PLXDC2: variants seen among roughly 807,000 people sequenced by gnomAD.
PLXDC2 encodes the protein plexin domain-containing protein 2.
PLXDC2 carries 40 observed loss-of-function variants against 68.9 expected under a neutral mutation model. That is an observed-to-expected ratio of 0.58 (90% CI 0.45 to 0.76). The LOEUF (loss-of-function observed/expected upper bound fraction) is 0.76, where lower values mean the gene tolerates loss of function less well. Ranked by LOEUF, PLXDC2 falls within the 30% of genes least tolerant of loss-of-function variation. PLXDC2 has a pLI of 0.00. For synonymous variants in PLXDC2, 243 were observed against 234.2 expected (o/e 1.04, Z -0.34); for missense variants, 644 against 661.9 (o/e 0.97, Z 0.30).
At chr10:20,093,144 A>G (rs1003651751) in intron 4 of PLXDC2, among the ~76,000 whole-genome samples, 5 of 152,314 alleles carry the variant, frequency 3.3e-5, no homozygotes, top group African/African-American at 1.2e-4. Flanking sequence ...GTTTATAACT[A>G]TATTATTGAT....
intron 1 of PLXDC2, among the ~76,000 whole-genome samples, chr10:19,819,529 A>T (rs1407378056): frequency 6.6e-6 from 1 of 152,208 alleles, no homozygotes; most frequent in East Asian, 1.9e-4. Context: ...AACAATCAGG[A>T]TCTTTATTAC....
Position 20,156,186 on chromosome 10 carries a change from T to G in PLXDC2, c.784-8282T>G, listed in dbSNP as rs1286050705. On this transcript the variant is annotated intron_variant, in intron 6 of 13. Coordinates refer to ENST00000377252, the MANE Select transcript of PLXDC2 (RefSeq NM_032812.9). Reference sequence around the variant, plus strand: ...CCAGGTAAAATCCACACCAGAGTCTTGACTATCTTGAGTCCAATGGCACAA... The same window carrying G: ...CCAGGTAAAATCCACACCAGAGTCTGGACTATCTTGAGTCCAATGGCACAA... Among the ~76,000 whole-genome samples, 5 of 152,182 alleles carry G rather than the reference T, an allele frequency of 3.3e-5. No homozygotes were observed. In the East Asian group the frequency reaches 9.6e-4, roughly 29 times the overall value.
intron 4 of PLXDC2, among the ~76,000 whole-genome samples, chr10:20,139,018 C>T (rs1031098908): frequency 2.6e-5 from 4 of 152,072 alleles, no homozygotes; most frequent in African/African-American, 9.7e-5. Context: ...TTAGTAAATA[C>T]ATAGTTATGG....
chr10:20,180,812 G>A (rs989568266), intron 9 of PLXDC2, among the ~76,000 whole-genome samples: 2 of 152,028 alleles, frequency 1.3e-5, no homozygotes, highest in African/African-American at 4.8e-5. Flanking sequence ...GATCTCAAGT[G>A]CTTACTAAAA....
intron 10 of PLXDC2, 86 bp from the exon 11 acceptor site, chr10:20,217,340 G>A: frequency 1.6e-6 from 2 of 1,228,164 alleles, no homozygotes; most frequent in East Asian, 5.0e-5. Flanking sequence ...AGGCTTTTGT[G>A]CTTTACAGCC....
At chr10:20,156,767 G>A (rs1834222908) in intron 6 of PLXDC2, among the ~76,000 whole-genome samples, 1 of 152,090 alleles carries the variant, frequency 6.6e-6, no homozygotes, top group African/African-American at 2.4e-5. Flanking sequence ...GAGAGTTCAG[G>A]AGCTGTACAA....
Position 19,982,286 on chromosome 10 carries a change from G to C in PLXDC2, c.113-19489G>C, listed in dbSNP as rs577158084. On this transcript the variant is annotated intron_variant, in intron 1 of 13. Coordinates refer to ENST00000377252, the MANE Select transcript of PLXDC2 (RefSeq NM_032812.9). ...AATTTTAATCCTAGAGTCCCTGAAT[G>C]GTCCCGTGTGACTGATTGGTGGTAG... Among the ~76,000 whole-genome samples the C allele has an allele frequency of 2.0e-5, 3 of 152,274 alleles. No homozygotes were observed. The South Asian group carries it at 6.2e-4, about 32-fold the overall frequency.
At chr10:20,176,390 ATGTG>A (rs66825907) in intron 7 of PLXDC2, among the ~76,000 whole-genome samples, 15 of 149,434 alleles carry the variant, frequency 1.0e-4, no homozygotes, top group Middle Eastern at 3.4e-3. Context: ...TCGCACAGTT[ATGTG>A]TGTGTGTGTG....
intron 13 of PLXDC2, among the ~76,000 whole-genome samples, chr10:20,279,033 T>A (rs1564374713): frequency 6.6e-6 from 1 of 152,204 alleles, no homozygotes; most frequent in African/African-American, 2.4e-5. Flanking sequence ...TTAGGACTAG[T>A]GTCTATTGTA....
intron 4 of PLXDC2, among the ~76,000 whole-genome samples, chr10:20,126,985 G>T (rs1408319723): frequency 6.6e-6 from 1 of 150,378 alleles, no homozygotes; most frequent in East Asian, 1.9e-4. Flanking sequence ...CACTAGGTTG[G>T]ATGTATAAGG....
intron 1 of PLXDC2, among the ~76,000 whole-genome samples, chr10:19,963,474 T>A (rs759933810): frequency 1.4e-4 from 21 of 152,230 alleles, no homozygotes; most frequent in Non-Finnish European, 2.5e-4. Flanking sequence ...TATGTGTGCA[T>A]GTCACATATA....
intron 1 of PLXDC2, among the ~76,000 whole-genome samples, chr10:19,857,789 G>A (rs1049010670): frequency 6.6e-6 from 1 of 152,022 alleles, no homozygotes; most frequent in African/African-American, 2.4e-5. Flanking sequence ...TGTGGGAGTA[G>A]AATAATATCC....
chr10:20,073,690 T>C (rs570329482), intron 4 of PLXDC2, among the ~76,000 whole-genome samples: 1 of 152,310 alleles, frequency 6.6e-6, no homozygotes, highest in African/African-American at 2.4e-5. Context: ...AGAATACAAA[T>C]ATTTCAGGCA....
intron 1 of PLXDC2, among the ~76,000 whole-genome samples, chr10:19,939,987 TATATA>T (rs1263401181): frequency 6.6e-6 from 1 of 151,944 alleles, no homozygotes. Flanking sequence ...GTTGGCTTTT[TATATA>T]ATATGTCTAT....
At chr10:20,070,003 A>C (rs11819666) in intron 4 of PLXDC2, among the ~76,000 whole-genome samples, 32,372 of 151,816 alleles carry the variant, frequency 0.21, 5,726 homozygotes, top group East Asian at 0.6. Context: ...ACGGTTGTGT[A>C]GAGAAGGAAG....
chr10:19,988,959 C>T (rs1160572943), intron 1 of PLXDC2, among the ~76,000 whole-genome samples: 2 of 151,792 alleles, frequency 1.3e-5, no homozygotes, highest in Admixed American at 1.3e-4. Context: ...CCACACCTGG[C>T]TAAATTTTGT....
chr10:20,213,258 C>T (rs11011874), intron 10 of PLXDC2, among the ~76,000 whole-genome samples: 22,638 of 151,854 alleles, frequency 0.15, 2,025 homozygotes, highest in East Asian at 0.32. Context: ...GATTCAGTTT[C>T]GTGGGGTTTT....
chr10:19,932,293 C>T (rs1177809628), intron 1 of PLXDC2, among the ~76,000 whole-genome samples: 1 of 152,076 alleles, frequency 6.6e-6, no homozygotes, highest in Admixed American at 6.6e-5. Context: ...CATCCTTCTC[C>T]ACAATCCCTC....
intron 4 of PLXDC2, among the ~76,000 whole-genome samples, chr10:20,072,751 A>G (rs1378557980): frequency 5.9e-5 from 9 of 152,174 alleles, no homozygotes; most frequent in Admixed American, 5.2e-4. Flanking sequence ...GAAAACACAC[A>G]TGGAGCCAGT....
Sources: gnomAD v4.1 joint callset for allele counts (sites outside exome capture counted in the v4.1 genomes callset) on GRCh38, gnomAD v4.1.1 for gene constraint, MANE v1.5 for transcripts, NCBI Gene and HGNC (gene_info 2026-07-23, HGNC 2026-07-21) for gene names.